TENM2: variants seen among roughly 807,000 people sequenced by gnomAD.
TENM2 encodes the protein teneurin-2.
Under a neutral mutation model 245.2 loss-of-function variants are expected in TENM2, and 52 were observed. That is an observed-to-expected ratio of 0.21 (90% CI 0.17 to 0.27). TENM2 has a LOEUF of 0.27. Among genes scored for constraint, TENM2 ranks in the 10% least tolerant of loss-of-function variants. TENM2 has a pLI of 1.00. For missense variants in TENM2, 3,046 were observed against 3,666.8 expected (o/e 0.83, Z 4.37); for synonymous variants, 1,363 against 1,438.9 (o/e 0.95, Z 1.19).
In TENM2 at chr5:168,185,943, T is replaced by TGA. The variant is rs1368028184; in HGVS notation, c.2570-4394_2570-4393insGA. Among the ~76,000 whole-genome samples the TGA allele has an allele frequency of 1.9e-3, 9 of 4,640 alleles. No individual in the cohort carries two copies. In the East Asian group the frequency reaches 0.062, roughly 32 times the overall value. The allele number at this position is 4,640 out of a possible 152,430, so 3.0% of individuals were successfully genotyped here. On this transcript the variant is annotated intron_variant, in intron 13 of 28. Transcript: ENST00000518659. Reference sequence around the variant, plus strand: ...ATATATATATATATATATATATATATATATATATATATATATATATATTTG... The same window carrying TGA: ...ATATATATATATATATATATATATATGAATATATATATATATATATATATTTG...
At chr5:167,185,173 G>A in the TENM2 span, among the ~76,000 whole-genome samples, 7 of 152,014 alleles carry the variant, frequency 4.6e-5, no homozygotes, top group Admixed American at 1.3e-4. Flanking sequence ...GGAGAACCCC[G>A]ACAAATACAC....
chr5:167,261,908 G>C, the TENM2 span, among the ~76,000 whole-genome samples: 1 of 152,244 alleles, frequency 6.6e-6, no homozygotes, highest in South Asian at 2.1e-4. Context: ...CCTCCAGGGG[G>C]AGACTCTAAC....
chr5:167,964,851 A>G (rs1229290668), intron 4 of TENM2, among the ~76,000 whole-genome samples: 1 of 152,194 alleles, frequency 6.6e-6, no homozygotes, highest in Non-Finnish European at 1.5e-5. Context: ...GACCATGTTA[A>G]AGCTTTTGGA....
chr5:167,343,563 CTT>C (rs1688701924), intron 1 of TENM2, among the ~76,000 whole-genome samples: 1 of 152,140 alleles, frequency 6.6e-6, no homozygotes, highest in African/African-American at 2.4e-5. Flanking sequence ...ACTCATATAA[CTT>C]TATTTAAAAA....
intron 3 of TENM2, among the ~76,000 whole-genome samples, chr5:167,892,097 A>G (rs947297696): frequency 2.6e-4 from 39 of 152,362 alleles, no homozygotes; most frequent in African/African-American, 7.2e-4. Context: ...CTTGATTGTA[A>G]TATAGCATTG....
chr5:168,152,480 T>C (rs962009249), intron 12 of TENM2, among the ~76,000 whole-genome samples: 17 of 152,208 alleles, frequency 1.1e-4, no homozygotes, highest in Non-Finnish European at 2.4e-4. Context: ...TCCTCGGTGT[T>C]ATTTGTATTT....
the TENM2 span, among the ~76,000 whole-genome samples, chr5:167,237,655 T>C: frequency 1.3e-5 from 2 of 152,176 alleles, no homozygotes; most frequent in Non-Finnish European, 2.9e-5. Context: ...AGTGTCAGCA[T>C]ACAGAATGAA....
chr5:168,204,460 G>A (rs893922602), exon 19 of TENM2: 2 of 1,613,990 alleles, frequency 1.2e-6, no homozygotes, highest in Non-Finnish European at 8.5e-7. Context: ...GTCGCCGCCG[G>A]AGCATTTCCT....
chr5:167,063,956 T>A, the TENM2 span, among the ~76,000 whole-genome samples: 1 of 152,120 alleles, frequency 6.6e-6, no homozygotes, highest in African/African-American at 2.4e-5. Flanking sequence ...ATGACGGTGG[T>A]TATGTTTGAA....
chr5:167,204,939 G>A, the TENM2 span, among the ~76,000 whole-genome samples: 1 of 152,168 alleles, frequency 6.6e-6, no homozygotes, highest in Non-Finnish European at 1.5e-5. Context: ...CTAATTACTT[G>A]TTGGCCTTTG....
chr5:167,462,155 T>C (rs1399423724), intron 2 of TENM2, among the ~76,000 whole-genome samples: 2 of 141,702 alleles, frequency 1.4e-5, no homozygotes, highest in African/African-American at 5.1e-5. Flanking sequence ...TAATGCATTC[T>C]GAAACGGGAG....
chr5:167,265,969 TATTA>T, the TENM2 span, among the ~76,000 whole-genome samples: 1 of 152,176 alleles, frequency 6.6e-6, no homozygotes, highest in Non-Finnish European at 1.5e-5. Flanking sequence ...AATGAATTTA[TATTA>T]ATTGTCTCCC....
At chr5:167,852,352 T>C (rs936074811) in intron 2 of TENM2, among the ~76,000 whole-genome samples, 2 of 152,174 alleles carry the variant, frequency 1.3e-5, no homozygotes, top group Admixed American at 6.5e-5. Flanking sequence ...AGGAAAGGCT[T>C]TTTCTAATCG....
chr5:167,002,867 CAA>C, the TENM2 span, among the ~76,000 whole-genome samples: 2 of 152,028 alleles, frequency 1.3e-5, no homozygotes, highest in African/African-American at 4.8e-5. Flanking sequence ...ATTACATACT[CAA>C]GAGGTCATTT....
chr5:168,036,328 A>G (rs1336852547), intron 5 of TENM2, among the ~76,000 whole-genome samples: 1 of 152,222 alleles, frequency 6.6e-6, no homozygotes, highest in Admixed American at 6.5e-5. Flanking sequence ...TGAGTGTCAC[A>G]TAAAACCCTT....
At chr5:167,098,268 C>T in the TENM2 span, among the ~76,000 whole-genome samples, 1 of 152,168 alleles carries the variant, frequency 6.6e-6, no homozygotes, top group Non-Finnish European at 1.5e-5. Flanking sequence ...ACATGAATGA[C>T]CTGTTAACAG....
chr5:167,541,680 G>A (rs1177662614), intron 2 of TENM2, among the ~76,000 whole-genome samples: 1 of 152,062 alleles, frequency 6.6e-6, no homozygotes, highest in Admixed American at 6.6e-5. Flanking sequence ...ACTACTGAAG[G>A]GGTTTAAAGT....
chr5:167,901,598 G>A (rs1327029941), intron 3 of TENM2, among the ~76,000 whole-genome samples: 1 of 152,170 alleles, frequency 6.6e-6, no homozygotes, highest in Non-Finnish European at 1.5e-5. Context: ...ACATTATTGT[G>A]AGAAGGAATA....
chr5:168,039,333 T>C (rs1001808102), intron 5 of TENM2, among the ~76,000 whole-genome samples: 2 of 152,188 alleles, frequency 1.3e-5, no homozygotes, highest in South Asian at 4.2e-4. Context: ...AGACAAATAT[T>C]GTTTGGGTTG....
Sources: allele counts gnomAD v4.1 joint callset (sites outside exome capture counted in the v4.1 genomes callset), GRCh38; gene constraint gnomAD v4.1.1; transcripts MANE v1.5; gene names NCBI Gene and HGNC (gene_info 2026-07-23, HGNC 2026-07-21).